CEP70: variants seen among roughly 807,000 people sequenced by gnomAD.
CEP70 encodes the protein centrosomal protein of 70 kDa.
In CEP70, 70 loss-of-function variants were observed where a neutral mutation model predicts 90.9. The ratio of observed to expected loss-of-function variants is 0.77; its 90% CI spans 0.64 to 0.94. The LOEUF (loss-of-function observed/expected upper bound fraction) is 0.94, where lower values mean the gene tolerates loss of function less well. CEP70 is among the 40% of genes least tolerant of loss of function. The pLI is 0.00. For missense variants in CEP70, 648 were observed against 669.0 expected (o/e 0.97, Z 0.35); for synonymous variants, 220 against 228.3 (o/e 0.96, Z 0.33).
chr3:138,515,389 G>C (rs2035909512), intron 11 of CEP70, among the ~76,000 whole-genome samples: 1 of 136,284 alleles, frequency 7.3e-6, no homozygotes, highest in South Asian at 2.3e-4. Context: ...CCTTCTTGTG[G>C]ATAAGAACAC....
chr3:138,588,016 A>G (rs112286279), intron 2 of CEP70, among the ~76,000 whole-genome samples: 2 of 152,124 alleles, frequency 1.3e-5, no homozygotes, highest in African/African-American at 4.8e-5. Context: ...TTTTTCAATA[A>G]ATGATGCTAG....
intron 2 of CEP70, among the ~76,000 whole-genome samples, chr3:138,577,685 A>C (rs1280254702): frequency 6.6e-6 from 1 of 152,070 alleles, no homozygotes; most frequent in Non-Finnish European, 1.5e-5. Flanking sequence ...CCAAAAGAAG[A>C]GAAACACAAG....
intron 6 of CEP70, among the ~76,000 whole-genome samples, chr3:138,568,260 T>C (rs1441860142): frequency 6.6e-6 from 1 of 152,168 alleles, no homozygotes; most frequent in Non-Finnish European, 1.5e-5. Flanking sequence ...ATGAAACTAT[T>C]TGATAGAAAA....
intron 2 of CEP70, among the ~76,000 whole-genome samples, chr3:138,575,443 G>C (rs1205577335): frequency 6.6e-6 from 1 of 152,120 alleles, no homozygotes; most frequent in African/African-American, 2.4e-5. Context: ...AAGAAATATG[G>C]GACTATGTGA....
intron 11 of CEP70, among the ~76,000 whole-genome samples, chr3:138,520,017 G>A (rs1180617800): frequency 3.9e-5 from 6 of 152,060 alleles, no homozygotes; most frequent in Admixed American, 6.6e-5. Flanking sequence ...AACAAAAAAA[G>A]GCAGGGGTTG....
At chr3:138,517,496 C>A (rs2036146686) in intron 11 of CEP70, among the ~76,000 whole-genome samples, 1 of 152,090 alleles carries the variant, frequency 6.6e-6, no homozygotes, top group East Asian at 1.9e-4. Context: ...GAAACCCCGT[C>A]TCTACTAAAA....
chr3:138,529,249 AATCTTAG>A lies in CEP70; in HGVS notation c.812_818del (p.Ser271LeufsTer9), dbSNP rs1360404000. 2 of 1,610,090 alleles carry A rather than the reference AATCTTAG, an allele frequency of 1.2e-6. No homozygotes were observed. Among genetic ancestry groups the A allele is most frequent in the Non-Finnish European group, 1.7e-6 (2 of 1,178,270 alleles). On this transcript the variant is annotated frameshift_variant, in exon 10 of 18. Coordinates refer to ENST00000264982, the MANE Select transcript of CEP70 (RefSeq NM_024491.4). LOFTEE classifies it high-confidence loss of function. ...TCAGCTTTTCACTTGAAAGTGCATC[AATCTTAG>A]ATTTTGATTCCTTGAGTTGATTCTG...
chr3:138,536,679 G>A (rs609797), intron 7 of CEP70, among the ~76,000 whole-genome samples: 74,846 of 150,918 alleles, frequency 0.5, 18,991 homozygotes, highest in African/African-American at 0.6. Flanking sequence ...TTTTCAGTAG[G>A]AAAGACAACA....
At chr3:138,590,051 A>G (rs1424892974) in intron 2 of CEP70, among the ~76,000 whole-genome samples, 1 of 152,110 alleles carries the variant, frequency 6.6e-6, no homozygotes, top group Non-Finnish European at 1.5e-5. Context: ...AAATGGCTAT[A>G]TACTCTGACA....
At chr3:138,566,665 T>C (rs2040813346) in intron 6 of CEP70, among the ~76,000 whole-genome samples, 1 of 151,936 alleles carries the variant, frequency 6.6e-6, no homozygotes. Flanking sequence ...TGTCAGGGGC[T>C]TGGGGGCTAG....
intron 11 of CEP70, among the ~76,000 whole-genome samples, chr3:138,524,120 G>A (rs1480179241): frequency 6.8e-6 from 1 of 147,136 alleles, no homozygotes; most frequent in Admixed American, 6.7e-5. Context: ...AACAAGAAAT[G>A]GGGAAAGGAT....
intron 6 of CEP70, among the ~76,000 whole-genome samples, chr3:138,546,052 C>T (rs1351049056): frequency 6.6e-6 from 1 of 152,122 alleles, no homozygotes; most frequent in African/African-American, 2.4e-5. Flanking sequence ...TCGTGACCTA[C>T]TCCCTGTTCA....
At chr3:138,499,618 C>T (rs1013462592) in intron 16 of CEP70, among the ~76,000 whole-genome samples, 18 of 152,088 alleles carry the variant, frequency 1.2e-4, no homozygotes, top group Admixed American at 3.3e-4. Flanking sequence ...TTGAGATTAT[C>T]TTAGATTGTC....
rs755622863 is a variant in CEP70 at position 138,571,278 on chromosome 3, T to C, written c.148A>G (p.Thr50Ala). 1.9e-6 allele frequency: 3 copies of C among 1,608,052 alleles called. No homozygotes were observed. The African/African-American group carries it at 4.0e-5, about 22-fold the overall frequency. ...AGGATCTAATTACCTTTGAGATCTG[T>C]TCTTTTGACTAGAGACAAAGGTTTT... The part of the protein sequence containing the change: ...GLKPLSLVKR[T>A]DLKDLIIFDK... The change falls in exon 4 of 18, where the codon ACA (threonine) becomes GCA (alanine). Residue 50 changes from threonine (T) to alanine (A), a missense_variant. By Grantham distance (58) the Thr-to-Ala change is moderately conservative. Transcript: ENST00000264982.
chr3:138,553,751 A>G (rs950218515), intron 6 of CEP70, among the ~76,000 whole-genome samples: 5 of 152,254 alleles, frequency 3.3e-5, no homozygotes, highest in African/African-American at 1.2e-4. Context: ...TCAACAGCAT[A>G]TCAAAAAGAT....
intron 2 of CEP70, among the ~76,000 whole-genome samples, chr3:138,585,473 G>A (rs547826929): frequency 2.8e-4 from 42 of 152,196 alleles, no homozygotes; most frequent in African/African-American, 9.2e-4. Context: ...ATTACTCAAA[G>A]CAATCTACAG....
At chr3:138,506,430 A>G (rs1220419129) in intron 12 of CEP70, among the ~76,000 whole-genome samples, 1 of 152,214 alleles carries the variant, frequency 6.6e-6, no homozygotes, top group African/African-American at 2.4e-5. Flanking sequence ...CCCTCTCCCC[A>G]TAAGTGATGG....
rs2038654483 is a variant in CEP70 at position 138,540,364 on chromosome 3, G to A, written c.466-3017C>T. 2.0e-5 allele frequency among the ~76,000 whole-genome samples: 3 copies of A among 152,048 alleles called. No individual in the cohort carries two copies. In the South Asian group the frequency reaches 6.2e-4, roughly 32 times the overall value. ...AAATTATTCAGATGTGGTGGCGCAT[G>A]CCTGTAGTCCCAGCTACTCAGGAGG... On this transcript the variant is annotated intron_variant, in intron 6 of 17. Coordinates refer to ENST00000264982, the MANE Select transcript of CEP70 (RefSeq NM_024491.4).
rs1191985499 is a variant in CEP70, at chr3:138,500,476, G to T, written c.1460C>A (p.Pro487His). ...FDVPSLNGVY[P>H]RMNEVYTRLG... ...CCTAGTATAAACTTCATTCATTCGGGGATAGACTCCATTTAAAGAAGGCAC... is the reference window on the plus strand; with the variant it reads ...CCTAGTATAAACTTCATTCATTCGGTGATAGACTCCATTTAAAGAAGGCAC... The change falls in exon 15 of 18, where the codon CCC becomes CAC. Residue 487 changes from proline (P) to histidine (H), a missense_variant. Pro to His is a moderately conservative substitution (Grantham distance 77). Coordinates refer to ENST00000264982, the MANE Select transcript of CEP70 (RefSeq NM_024491.4). The T allele has an allele frequency of 1.9e-6, 3 of 1,611,580 alleles. No homozygotes were observed. Among genetic ancestry groups the T allele is most frequent in the Middle Eastern group, 1.7e-4 (1 of 6,026 alleles).
Sources: gnomAD v4.1 joint callset for allele counts (sites outside exome capture counted in the v4.1 genomes callset) on GRCh38, gnomAD v4.1.1 for gene constraint, MANE v1.5 for transcripts, NCBI Gene and HGNC (gene_info 2026-07-23, HGNC 2026-07-21) for gene names.